Variants in ABCB5 observed in about 807,000 individuals in gnomAD.
ABCB5 encodes the protein ATP binding cassette subfamily B member 5.
A neutral mutation model predicts 144.2 loss-of-function variants in ABCB5; 155 were observed. That is an observed-to-expected ratio of 1.08 (90% confidence interval 0.94 to 1.23). The LOEUF (loss-of-function observed/expected upper bound fraction) is 1.23, where lower values mean the gene tolerates loss of function less well. Ranked by LOEUF, ABCB5 falls within the 50% of genes most tolerant of loss-of-function variation. The pLI, the probability that ABCB5 is intolerant of heterozygous loss-of-function variation, is 0.00. For missense variants in ABCB5, 1,830 were observed against 1,520.8 expected, an observed-to-expected ratio of 1.20 and a Z score of -3.38; for synonymous variants, 610 against 528.6, an observed-to-expected ratio of 1.15 and a Z score of -2.11.
chr7:20,740,291 A>G (rs1178618948), intron 24 of ABCB5, among the ~76,000 whole-genome samples: 1 of 152,216 alleles, frequency 6.6e-6, no homozygotes, highest in East Asian at 1.9e-4. Context: ...CATTAAATAT[A>G]CATTCAATTT....
intron 24 of ABCB5, among the ~76,000 whole-genome samples, chr7:20,741,540 C>CT (rs1475642959): frequency 1.4e-5 from 2 of 147,866 alleles, no homozygotes; most frequent in African/African-American, 5.0e-5. Context: ...TACTACACTA[C>CT]TTTTAAATTT....
chr7:20,748,594 G>A (rs1782804488), intron 26 of ABCB5, among the ~76,000 whole-genome samples: 1 of 138,324 alleles, frequency 7.2e-6, no homozygotes, highest in African/African-American at 2.7e-5. Context: ...AGGTTGCAGT[G>A]AGCCAAGATC....
intron 25 of ABCB5, 92 bp downstream of exon 25, chr7:20,743,166 G>A: frequency 3.6e-6 from 5 of 1,376,862 alleles, no homozygotes; most frequent in Non-Finnish European, 5.0e-6. Context: ...TGGTTTGGGT[G>A]GGGCAAACAA....
chr7:20,749,181 T>C (rs1284394166), intron 26 of ABCB5, among the ~76,000 whole-genome samples: 3 of 133,392 alleles, frequency 2.2e-5, no homozygotes, highest in African/African-American at 8.0e-5. Context: ...CCCTCTCTAC[T>C]TCCTTCCTTC....
intron 23 of ABCB5, among the ~76,000 whole-genome samples, chr7:20,738,587 A>G (rs1021431494): frequency 3.3e-5 from 5 of 152,218 alleles, no homozygotes; most frequent in Non-Finnish European, 7.3e-5. Flanking sequence ...ACAAAAAATC[A>G]TATCTACTGT....
chr7:20,629,105 G>A (rs1475577640), intron 4 of ABCB5, among the ~76,000 whole-genome samples: 1 of 149,564 alleles, frequency 6.7e-6, no homozygotes, highest in East Asian at 2.0e-4. Context: ...GAAACAGCAT[G>A]GATAGGATGT....
chr7:20,718,189 G>A (rs1002437938), intron 20 of ABCB5, among the ~76,000 whole-genome samples: 2 of 151,996 alleles, frequency 1.3e-5, no homozygotes, highest in East Asian at 1.9e-4. Flanking sequence ...GATTCCAGGC[G>A]TGAGCCACGG....
intron 21 of ABCB5, among the ~76,000 whole-genome samples, chr7:20,726,547 A>G (rs1309843780): frequency 6.6e-6 from 1 of 151,740 alleles, no homozygotes; most frequent in Non-Finnish European, 1.5e-5. Context: ...TTGTATTTTT[A>G]GTAGAGACAG....
chr7:20,710,628 C>T lies in ABCB5; in HGVS notation c.2421+5821C>T, dbSNP rs559399803. Among the ~76,000 whole-genome samples the T allele has an allele frequency of 5.7e-4, 85 of 149,792 alleles. 11 individuals carry two copies. The South Asian group carries it at 0.018, about 31-fold the overall frequency. ...AAATCCACAAAAGAACTTCAAGTGG[C>T]ATTTTACAAAAGAAGAAATCCATGT... is the stretch of plus-strand genomic sequence containing the variant. On this transcript the variant is annotated intron_variant, in intron 20 of 27. Coordinates refer to ENST00000404938, the MANE Select transcript of ABCB5 (RefSeq NM_001163941.2).
At chr7:20,658,925 A>G (rs537202126) in intron 14 of ABCB5, 350 of 1,007,214 alleles carry the variant, frequency 3.5e-4, no homozygotes, top group Non-Finnish European at 5.2e-4. Flanking sequence ...CATCCAGTCT[A>G]TACCTCCATT....
chr7:20,714,348 C>CAAA (rs374402106), intron 20 of ABCB5, among the ~76,000 whole-genome samples: 3,814 of 146,930 alleles, frequency 0.026, 161 homozygotes, highest in African/African-American at 0.09. Context: ...TTCTTAATTT[C>CAAA]AAAAAAAAAA....
chr7:20,746,937 G>C (rs1036206021), intron 26 of ABCB5, among the ~76,000 whole-genome samples: 2 of 152,020 alleles, frequency 1.3e-5, no homozygotes, highest in East Asian at 3.9e-4. Flanking sequence ...TAATAATCTA[G>C]AGCCCTGTTC....
At chr7:20,624,627 G>A (rs1562526112) in intron 2 of ABCB5, among the ~76,000 whole-genome samples, 1 of 152,300 alleles carries the variant, frequency 6.6e-6, no homozygotes, top group South Asian at 2.1e-4. Context: ...TAGGTGTGGG[G>A]TCTGGCCATG....
At position 20,698,563 on chromosome 7, in the gene ABCB5, A is replaced by T; in HGVS notation, c.2154+13A>T. 1 of 1,583,070 alleles carries T rather than the reference A, an allele frequency of 6.3e-7. No homozygotes were observed. The highest frequency in any genetic ancestry group is 8.6e-7 in the Non-Finnish European group (1 of 1,167,836). On this transcript the variant is annotated intron_variant, in intron 17 of 27. Coordinates refer to ENST00000404938, the MANE Select transcript of ABCB5 (RefSeq NM_001163941.2). ...AAAAATTATAACCGTAAGTAAAATA[A>T]ATTTGCTAATACTTTCAGCAATTTA...
chr7:20,645,933 C>G, intron 8 of ABCB5, 28 bp from the exon 9 acceptor site: 1 of 1,612,460 alleles, frequency 6.2e-7, no homozygotes, highest in Non-Finnish European at 8.5e-7. Flanking sequence ...TCCCCAGTGG[C>G]TACTAAGTTG....
At chr7:20,749,701 G>T (rs1209916402) in intron 26 of ABCB5, among the ~76,000 whole-genome samples, 1 of 152,114 alleles carries the variant, frequency 6.6e-6, no homozygotes, top group African/African-American at 2.4e-5. Context: ...AATAATTATA[G>T]TGCACAGAAG....
rs1782990004 is a variant in ABCB5, at chr7:20,753,363, T to C, written c.3433T>C (p.Tyr1145His). The C allele has an allele frequency of 1.2e-6, 2 of 1,611,324 alleles. No homozygotes were observed. Among genetic ancestry groups the C allele is most frequent in the East Asian group, 4.5e-5 (2 of 44,802 alleles). ...HSFIEGLPEK[Y>H]NTQVGLKGAQ... The stretch of plus-strand genomic sequence containing the variant: ...TAATTGCATGCTCCTGTGATAGAAA[T>C]ACAACACACAAGTTGGACTGAAAGG... The change falls in exon 27 of 28, where the codon TAC becomes CAC. Residue 1145 changes from tyrosine to histidine, a missense_variant. By Grantham distance (83) the Tyr-to-His change is moderately conservative (BLOSUM62 2). Coordinates refer to ENST00000404938, the MANE Select transcript of ABCB5 (RefSeq NM_001163941.2).
intron 23 of ABCB5, among the ~76,000 whole-genome samples, chr7:20,732,021 T>C (rs982288889): frequency 7.2e-5 from 11 of 152,214 alleles, no homozygotes; most frequent in Non-Finnish European, 2.9e-5. Context: ...CCACTGAAAT[T>C]TGAATAAAGC....
At chr7:20,618,764 CTTTTTTTTT>C (rs59970398) in intron 1 of ABCB5, among the ~76,000 whole-genome samples, 30 of 51,576 alleles carry the variant, frequency 5.8e-4, no homozygotes, top group African/African-American at 2.1e-3. Flanking sequence ...GCTGCATTTT[CTTTTTTTTT>C]TTTTTTTTTT....
Sources: gnomAD v4.1 joint callset for allele counts (sites outside exome capture counted in the v4.1 genomes callset) on GRCh38, gnomAD v4.1.1 for gene constraint, MANE v1.5 for transcripts, NCBI Gene and HGNC (gene_info 2026-07-23, HGNC 2026-07-21) for gene names.